Variants in FBXW7 observed in about 807,000 individuals in gnomAD.
FBXW7 encodes the protein F-box and WD repeat domain containing 7, also known as F-box/WD repeat-containing protein 7.
Under a neutral mutation model 86.3 loss-of-function variants are expected in FBXW7, and 11 were observed. The ratio of observed to expected loss-of-function variants is 0.13; its 90% CI spans 0.08 to 0.21. The LOEUF (loss-of-function observed/expected upper bound fraction) is 0.21. Among genes scored for constraint, FBXW7 ranks in the 10% least tolerant of loss-of-function variants. The pLI is 1.00. For missense variants in FBXW7, 488 were observed against 847.4 expected (o/e 0.58, Z 5.27); for synonymous variants, 313 against 297.9 (o/e 1.05, Z -0.52).
intron 2 of FBXW7, among the ~76,000 whole-genome samples, chr4:152,466,922 A>C (rs985607892): frequency 6.6e-6 from 1 of 152,208 alleles, no homozygotes; most frequent in Non-Finnish European, 1.5e-5. Flanking sequence ...GGCCTGAGCG[A>C]AAGAGCGAGA....
chr4:152,526,919 G>C (rs151169178), intron 2 of FBXW7, among the ~76,000 whole-genome samples: 12 of 152,222 alleles, frequency 7.9e-5, no homozygotes, highest in African/African-American at 2.9e-4. Context: ...TGAAGTTTTA[G>C]ATGTTTCTGA....
intron 2 of FBXW7, among the ~76,000 whole-genome samples, chr4:152,425,541 G>C (rs1303902587): frequency 6.6e-6 from 1 of 150,768 alleles, no homozygotes; most frequent in Non-Finnish European, 1.5e-5. Flanking sequence ...CTACCAAACA[G>C]ATACTATGAA....
intron 2 of FBXW7, among the ~76,000 whole-genome samples, chr4:152,424,387 A>G (rs929907886): frequency 1.3e-5 from 2 of 152,236 alleles, no homozygotes. Context: ...GTTCGAATAT[A>G]TTATGCCTTG....
intron 7 of FBXW7, among the ~76,000 whole-genome samples, chr4:152,334,822 A>G (rs1216436769): frequency 2.6e-5 from 4 of 152,216 alleles, no homozygotes; most frequent in Non-Finnish European, 4.4e-5. Context: ...TACTAACTCA[A>G]CCAAGAACTT....
chr4:152,424,993 G>A (rs1159864456), intron 2 of FBXW7, among the ~76,000 whole-genome samples: 1 of 152,138 alleles, frequency 6.6e-6, no homozygotes, highest in Non-Finnish European at 1.5e-5. Flanking sequence ...ATTCTGAGTT[G>A]GTAAATCTGA....
At chr4:152,380,365 C>G (rs1264982111) in intron 4 of FBXW7, among the ~76,000 whole-genome samples, 2 of 151,870 alleles carry the variant, frequency 1.3e-5, no homozygotes, top group African/African-American at 4.8e-5. Context: ...TTCACAATCC[C>G]TCTAATATTT....
intron 2 of FBXW7, among the ~76,000 whole-genome samples, chr4:152,524,851 C>T (rs1749360317): frequency 6.6e-6 from 1 of 152,166 alleles, no homozygotes; most frequent in African/African-American, 2.4e-5. Flanking sequence ...GCATAACACT[C>T]AGTAGAAAAA....
At chr4:152,412,781 G>A (rs1176454013) in intron 2 of FBXW7, among the ~76,000 whole-genome samples, 1 of 151,994 alleles carries the variant, frequency 6.6e-6, no homozygotes, top group Non-Finnish European at 1.5e-5. Flanking sequence ...ATTATAGTAT[G>A]ATTTTTAAAC....
chr4:152,381,449 T>C (rs1027779943), intron 4 of FBXW7, among the ~76,000 whole-genome samples: 3 of 152,118 alleles, frequency 2.0e-5, no homozygotes, highest in African/African-American at 7.2e-5. Context: ...CATAAACCTA[T>C]GTTAGATCTA....
chr4:152,324,699 A>C, intron 12 of FBXW7: 2 of 303,780 alleles, frequency 6.6e-6, no homozygotes, highest in Non-Finnish European at 6.2e-6. Context: ...TTTTCAAATC[A>C]TCTGGCCCCA....
chr4:152,348,287 A>G (rs1322687008), intron 5 of FBXW7, among the ~76,000 whole-genome samples: 6 of 152,078 alleles, frequency 3.9e-5, no homozygotes, highest in African/African-American at 1.4e-4. Context: ...AATTAAATCT[A>G]TCTTTTCTTC....
intron 2 of FBXW7, among the ~76,000 whole-genome samples, chr4:152,463,298 AAAAG>A (rs1185202433): frequency 6.6e-6 from 1 of 152,144 alleles, no homozygotes; most frequent in African/African-American, 2.4e-5. Context: ...CTCAAAAAAA[AAAAG>A]AATGTTTTCT....
intron 2 of FBXW7, among the ~76,000 whole-genome samples, chr4:152,481,924 G>T (rs997584611): frequency 1.3e-5 from 2 of 152,166 alleles, no homozygotes; most frequent in African/African-American, 4.8e-5. Flanking sequence ...AATAACAAAG[G>T]ATTTACAATA....
chr4:152,348,839 T>TC, intron 5 of FBXW7: 1 of 259,472 alleles, frequency 3.9e-6, no homozygotes, highest in Non-Finnish European at 7.0e-6. Context: ...TCTCTATCCC[T>TC]CCACACCCTC....
intron 2 of FBXW7, among the ~76,000 whole-genome samples, chr4:152,427,573 G>A (rs753559813): frequency 3.3e-5 from 5 of 152,014 alleles, no homozygotes; most frequent in Non-Finnish European, 7.4e-5. Context: ...TAAAATAAGG[G>A]GATTAGATAA....
At chr4:152,354,591 CT>C (rs1732187398) in intron 4 of FBXW7, among the ~76,000 whole-genome samples, 1 of 152,062 alleles carries the variant, frequency 6.6e-6, no homozygotes, top group Non-Finnish European at 1.5e-5. Flanking sequence ...TTGAACTAAC[CT>C]TTTCAAATTA....
chr4:152,334,663 C>A (rs1729892663), intron 7 of FBXW7, among the ~76,000 whole-genome samples: 1 of 152,108 alleles, frequency 6.6e-6, no homozygotes, highest in Admixed American at 6.6e-5. Context: ...CCCCAAATCA[C>A]CAGGTAAAAT....
chr4:152,417,464 A>C (rs1738540523), intron 2 of FBXW7, among the ~76,000 whole-genome samples: 1 of 152,108 alleles, frequency 6.6e-6, no homozygotes, highest in Non-Finnish European at 1.5e-5. Context: ...GTAGTCCAAA[A>C]TTTGGGAGTC....
chr4:152,496,689 A>G (rs911371861), intron 2 of FBXW7, among the ~76,000 whole-genome samples: 5 of 152,186 alleles, frequency 3.3e-5, no homozygotes, highest in African/African-American at 1.2e-4. Context: ...AGAAAAAAAT[A>G]GAACTGTATT....
Sources: gnomAD v4.1 joint callset for allele counts (sites outside exome capture counted in the v4.1 genomes callset) on GRCh38, gnomAD v4.1.1 for gene constraint, MANE v1.5 for transcripts, NCBI Gene and HGNC (gene_info 2026-07-23, HGNC 2026-07-21) for gene names.